The following ATP2A1 variants were observed in gnomAD, a reference collection of about 807,000 sequenced individuals.
The protein encoded by ATP2A1 is ATPase sarcoplasmic/endoplasmic reticulum Ca2+ transporting 1.
Under a neutral mutation model 109.5 loss-of-function variants are expected in ATP2A1, and 83 were observed. The observed-to-expected ratio is 0.76, with a 90% confidence interval of 0.63 to 0.91. The LOEUF (loss-of-function observed/expected upper bound fraction) is 0.91, where lower values mean the gene tolerates loss of function less well. Among genes scored for constraint, ATP2A1 ranks in the 40% least tolerant of loss-of-function variants. The pLI is 0.00. For synonymous variants in ATP2A1, 505 were observed against 537.6 expected (o/e 0.94, Z 0.84); for missense variants, 1,101 against 1,341.0 (o/e 0.82, Z 2.80).
chr16:28,884,572 C>T lies in ATP2A1; in HGVS notation c.464-3C>T. 6.2e-7 allele frequency: 1 copy of T among 1,613,014 alleles called. No individual in the cohort carries two copies. Among genetic ancestry groups the T allele is most frequent in the Non-Finnish European group, 8.5e-7 (1 of 1,179,432 alleles). ...ACCTCCCTCTTCCCTACTCTCTCCACAGTGGGGGACAAAGTCCCTGCAGAC... is the reference window on the plus strand; with the variant it reads ...ACCTCCCTCTTCCCTACTCTCTCCATAGTGGGGGACAAAGTCCCTGCAGAC... On this transcript the variant is annotated splice_polypyrimidine_tract_variant and splice_region_variant and intron_variant, in intron 5 of 22. Coordinates refer to ENST00000395503, the MANE Select transcript of ATP2A1 (RefSeq NM_004320.6).
intron 6 of ATP2A1, 39 bp from the exon 7 acceptor site, chr16:28,887,150 A>T (rs757350503): frequency 6.3e-7 from 1 of 1,597,084 alleles, no homozygotes; most frequent in Non-Finnish European, 8.6e-7. Context: ...GGAGAAGGAC[A>T]TGATGTCATC....
chr16:28,894,141 C>T lies in ATP2A1; in HGVS notation c.1096-14C>T. ...AGAGGTGGACATCTGTGTGCCTGCC[C>T]TTCTCCCCTGCAGATGTTTATCATT... On this transcript the variant is annotated splice_polypyrimidine_tract_variant and intron_variant, in intron 9 of 22. Transcript: ENST00000395503. 1 of 1,612,354 alleles carries T rather than the reference C, an allele frequency of 6.2e-7. No individual in the cohort carries two copies. The highest frequency in any genetic ancestry group is 8.5e-7 in the Non-Finnish European group (1 of 1,178,652).
Position 28,880,972 on chromosome 16 carries a change from G to A in ATP2A1, c.277G>A (p.Val93Ile). The A allele has an allele frequency of 6.2e-7, 1 of 1,614,198 alleles. No homozygotes were observed. Among genetic ancestry groups the A allele is most frequent in the Non-Finnish European group, 8.5e-7 (1 of 1,180,030 alleles). Reference protein sequence around the residue: ...ETITAFVEPFVILLILIANAI... With the variant: ...ETITAFVEPFIILLILIANAI... ...CATCACTGCCTTTGTTGAACCCTTT[G>A]TCATCCTCTTGATCCTCATTGCCAA... is the stretch of plus-strand genomic sequence containing the variant. Residue 93 changes from valine (V) to isoleucine (I), a missense_variant, in exon 4 of 23, where the codon GTC (valine) becomes ATC (isoleucine). Val to Ile is a conservative substitution (Grantham distance 29). Coordinates refer to ENST00000395503, the MANE Select transcript of ATP2A1 (RefSeq NM_004320.6). The surrounding 1 kb of genome is among the most constrained non-coding windows in gnomAD (Gnocchi z 4.2).
Position 28,898,244 on chromosome 16 carries a change from G to A in ATP2A1, c.1557G>A (p.Glu519=). 1 of 1,614,224 alleles carries A rather than the reference G, an allele frequency of 6.2e-7. No homozygotes were observed. Among genetic ancestry groups the A allele is most frequent in the Non-Finnish European group, 8.5e-7 (1 of 1,180,032 alleles). The change falls in exon 14 of 23, where the codon GAG becomes GAA. Residue 519 remains glutamate, a synonymous_variant. Transcript: ENST00000395503. The surrounding 1 kb of genome is among the most constrained non-coding windows in gnomAD (Gnocchi z 4.0). ...TTCTGGTCTCCTAGGGTGCCCCTGA[G>A]GGCGTCATCGACCGCTGTAACTATG... ...GNKMFVKGAP[E]GVIDRCNYVR... is the part of the protein sequence containing the mutation.
Position 28,878,488 on chromosome 16 carries a change from G to A in ATP2A1, c.-184G>A. On this transcript the variant is annotated 5_prime_UTR_variant, in exon 1 of 23. Transcript: ENST00000395503. The stretch of plus-strand genomic sequence containing the variant: ...AAGGACCAGCTGGGGGCCGGGGGGT[G>A]GCCGGCTGCTCAAGTGGGACGGGGG... 1 of 641,788 alleles carries A rather than the reference G, an allele frequency of 1.6e-6. No individual in the cohort carries two copies. The highest frequency in any genetic ancestry group is 2.8e-5 in the East Asian group (1 of 35,880). The allele number at this position is 641,788 out of a possible 1,614,324, so 39.8% of individuals were successfully genotyped here. A position where few individuals can be genotyped will look rare whatever the true frequency, so the allele number is the denominator to read the frequency against.
chr16:28,887,572 C>G lies in ATP2A1; in HGVS notation c.778C>G (p.Leu260Val). ...QQKLDEFGEQ[L>V]SKVISLICVA... ...GAAGCTGGATGAGTTTGGGGAGCAG[C>G]TCTCCAAGGTCATCTCCCTCATCTG... The change falls in exon 8 of 23, where the codon CTC becomes GTC. Residue 260 changes from leucine (L) to valine (V), a missense_variant. Leu to Val is a conservative substitution (Grantham distance 32). Coordinates refer to ENST00000395503, the MANE Select transcript of ATP2A1 (RefSeq NM_004320.6). 1 of 1,614,072 alleles carries G rather than the reference C, an allele frequency of 6.2e-7. No homozygotes were observed. The highest frequency in any genetic ancestry group is 8.5e-7 in the Non-Finnish European group (1 of 1,180,016).
At chr16:28,886,983 A>G (rs559009887) in intron 6 of ATP2A1, among the ~76,000 whole-genome samples, 38 of 144,926 alleles carry the variant, frequency 2.6e-4, no homozygotes, top group African/African-American at 9.0e-4. Context: ...CAAGACTGCA[A>G]CTCTGTCTCA....
In ATP2A1 at chr16:28,898,361, C is replaced by T. The variant is rs1384685867; in HGVS notation, c.1674C>T (p.Thr558=). Residue 558 remains threonine (T), a synonymous_variant, in exon 14 of 23, where the codon ACC becomes ACT. Coordinates refer to ENST00000395503, the MANE Select transcript of ATP2A1 (RefSeq NM_004320.6). This position sits in a 1 kb window ranked among gnomAD's most constrained non-coding sequence, Gnocchi z 4.0. ...AGGAGTGGGGCACTGGCCGGGACACCCTGCGCTGCTTGGCCCTGGCCACCC... is the reference window on the plus strand; with the variant it reads ...AGGAGTGGGGCACTGGCCGGGACACTCTGCGCTGCTTGGCCCTGGCCACCC... The part of the protein sequence containing the change: ...VIKEWGTGRD[T]LRCLALATRD... 4.3e-6 allele frequency: 7 copies of T among 1,614,058 alleles called. No homozygotes were observed. In the Admixed American group the frequency reaches 1.0e-4, roughly 23 times the overall value.
intron 8 of ATP2A1, 150 bp downstream of exon 8, chr16:28,887,872 C>T: frequency 9.4e-7 from 1 of 1,061,656 alleles, no homozygotes; most frequent in Non-Finnish European, 1.4e-6. Flanking sequence ...GTGATCTCGG[C>T]TCACTGCAAG....
intron 8 of ATP2A1, among the ~76,000 whole-genome samples, chr16:28,888,386 C>T (rs1321146103): frequency 6.6e-6 from 1 of 151,942 alleles, no homozygotes; most frequent in Non-Finnish European, 1.5e-5. Context: ...GGATTAGGAT[C>T]TGGTATCTTT....
chr16:28,885,322 T>TGTGGCA (rs1306192674), intron 6 of ATP2A1, among the ~76,000 whole-genome samples: 1 of 151,768 alleles, frequency 6.6e-6, no homozygotes, highest in Non-Finnish European at 1.5e-5. Flanking sequence ...TAGTAGTGGC[T>TGTGGCA]GTGGCAGTGG....
chr16:28,881,096 C>A (rs960469550), intron 4 of ATP2A1, 77 bp downstream of exon 4: 6 of 1,357,424 alleles, frequency 4.4e-6, no homozygotes, highest in African/African-American at 2.9e-5. Flanking sequence ...GTCTCCTCCT[C>A]CTCCATCACC....
At position 28,879,490 on chromosome 16, in the gene ATP2A1, T is replaced by C. The variant is rs1384007427; in HGVS notation, c.137-11T>C. 2.4e-5 allele frequency: 39 copies of C among 1,613,342 alleles called. No individual in the cohort carries two copies. The highest frequency in any genetic ancestry group is 3.1e-5 in the Non-Finnish European group (37 of 1,179,548). Reference sequence around the variant, plus strand: ...CTTAACCCGGGGCCCTCCCCTTGCCTCCTCCCCCAGGGAAGACCCTGTGGG... The same window carrying C: ...CTTAACCCGGGGCCCTCCCCTTGCCCCCTCCCCCAGGGAAGACCCTGTGGG... On this transcript the variant is annotated splice_polypyrimidine_tract_variant and intron_variant, in intron 2 of 22. Coordinates refer to ENST00000395503, the MANE Select transcript of ATP2A1 (RefSeq NM_004320.6).
intron 9 of ATP2A1, among the ~76,000 whole-genome samples, chr16:28,890,822 A>G (rs903872367): frequency 6.6e-6 from 1 of 151,902 alleles, no homozygotes. Flanking sequence ...AGTAGCTGGG[A>G]CTACAGGCAC....
chr16:28,901,962 G>A lies in ATP2A1; in HGVS notation c.2200G>A (p.Val734Met). Residue 734 changes from valine to methionine, a missense_variant, in exon 16 of 23, where the codon GTG becomes ATG. Transcript: ENST00000395503. ...CGTGGCCAAGACTGCCTCTGAGATGGTGCTGGCTGACGACAACTTCTCCAC... is the reference window on the plus strand; with the variant it reads ...CGTGGCCAAGACTGCCTCTGAGATGATGCTGGCTGACGACAACTTCTCCAC... The part of the protein sequence containing the change: ...TAVAKTASEM[V>M]LADDNFSTIV... 1 of 1,614,240 alleles carries A rather than the reference G, an allele frequency of 6.2e-7. No individual in the cohort carries two copies. Among genetic ancestry groups the A allele is most frequent in the Non-Finnish European group, 8.5e-7 (1 of 1,180,046 alleles).
chr16:28,884,436 G>C lies in ATP2A1; in HGVS notation c.464-139G>C. On this transcript the variant is annotated intron_variant, in intron 5 of 22. Transcript: ENST00000395503. The stretch of plus-strand genomic sequence containing the variant: ...CCAGCTTCAGGAGCTCAAGCCAAGG[G>C]CCTGATGCAAGCCCTGGGAGCCTCC... 2 of 786,666 alleles carry C rather than the reference G, an allele frequency of 2.5e-6. 1 individual carries two copies. Among genetic ancestry groups the C allele is most frequent in the South Asian group, 3.0e-5 (2 of 67,162 alleles). 48.7% of individuals were successfully genotyped at this position (786,666 alleles called of 1,614,324 possible).
At position 28,902,170 on chromosome 16, in the gene ATP2A1, C is replaced by A. The variant is rs201312762; in HGVS notation, c.2322-14C>A. 26 of 1,614,042 alleles carry A rather than the reference C, an allele frequency of 1.6e-5. No homozygotes were observed. The South Asian group carries it at 2.4e-4, about 15-fold the overall frequency. On this transcript the variant is annotated splice_polypyrimidine_tract_variant and intron_variant, in intron 16 of 22. Coordinates refer to ENST00000395503, the MANE Select transcript of ATP2A1 (RefSeq NM_004320.6). The surrounding 1 kb of genome is among the most constrained non-coding windows in gnomAD (Gnocchi z 4.8). ...GGGAGGCAGGACAGAGGTGTGACCA[C>A]CTCCTTCCCACAGTATCTTCCTGAC...
chr16:28,881,022 T>A lies in ATP2A1; in HGVS notation c.324+3T>A. 6.2e-7 allele frequency: 1 copy of A among 1,607,454 alleles called. No individual in the cohort carries two copies. On this transcript the variant is annotated splice_donor_region_variant and intron_variant, in intron 4 of 22. Coordinates refer to ENST00000395503, the MANE Select transcript of ATP2A1 (RefSeq NM_004320.6). ...ATGCCATCGTGGGGGTTTGGCAGGT[T>A]AGCGTTGACCCTTCCTTACCCCTTC...
At chr16:28,884,399 G>A (rs185261642) in intron 5 of ATP2A1, among the ~76,000 whole-genome samples, 176 bp from the exon 6 acceptor site, 4 of 152,284 alleles carry the variant, frequency 2.6e-5, no homozygotes, top group Admixed American at 6.5e-5. Flanking sequence ...TGGGTGTCAC[G>A]ATGAGGGGTT....
Sources: gnomAD v4.1 joint callset for allele counts (sites outside exome capture counted in the v4.1 genomes callset) on GRCh38, gnomAD v4.1.1 for gene constraint, Gnocchi (gnomAD v3.1) non-coding constraint, MANE v1.5 for transcripts, NCBI Gene and HGNC (gene_info 2026-07-23, HGNC 2026-07-21) for gene names.